Variants in FGF13 observed in about 807,000 individuals in gnomAD.
FGF13 encodes the protein fibroblast growth factor homologous factor 2.
A neutral mutation model predicts 19.5 loss-of-function variants in FGF13; 2 were observed. That is an observed-to-expected ratio of 0.10 (90% confidence interval 0.04 to 0.32). FGF13 has a LOEUF of 0.32. Ranked by LOEUF, FGF13 falls within the 10% of genes least tolerant of loss-of-function variation. The probability of loss-of-function intolerance (pLI) is 1.00; values close to 1 mark genes in which losing one functional copy is unlikely to be tolerated. For synonymous variants in FGF13, 72 were observed against 76.9 expected (o/e 0.94, Z 0.33); for missense variants, 113 against 192.7 (o/e 0.59, Z 2.45).
chrX:138,838,104 C>T (rs2091125229), intron 3 of FGF13, among the ~76,000 whole-genome samples: 1 of 111,952 alleles, frequency 8.9e-6, no homozygotes, highest in Admixed American at 9.4e-5. Flanking sequence ...TGGCGCCCCA[C>T]CCTTCCCCCA....
At chrX:138,644,869 C>T (rs1391071120) in intron 3 of FGF13, among the ~76,000 whole-genome samples, 1 of 112,016 alleles carries the variant, frequency 8.9e-6, no homozygotes, top group African/African-American at 3.2e-5. Context: ...GAGAATGGTG[C>T]TGCAGAGGAC....
chrX:138,685,971 A>G (rs776407916), intron 3 of FGF13, among the ~76,000 whole-genome samples: 8 of 110,101 alleles, frequency 7.3e-5, no homozygotes, highest in African/African-American at 2.3e-4. Context: ...AGACGGTAAC[A>G]GGTTGCGTGA....
At position 139,014,147 on chromosome X, in the gene FGF13, T is replaced by A. The variant is rs752292003; in HGVS notation, c.-112-149497A>T. On this transcript the variant is annotated intron_variant, in intron 1 of 2. Transcript: ENST00000421460. ...AAGTTTATAGCTATAAGTGCCTACA[T>A]CAAAAAAGAAATAAAAAACTTAAAA... Among the ~76,000 whole-genome samples, 30 of 110,682 alleles carry A rather than the reference T, an allele frequency of 2.7e-4. 1 individual carries two copies. The South Asian group carries it at 0.01, about 37-fold the overall frequency.
chrX:139,024,519 T>C (rs766828083), intron 1 of FGF13, among the ~76,000 whole-genome samples: 2 of 111,619 alleles, frequency 1.8e-5, no homozygotes, highest in Non-Finnish European at 3.8e-5. Flanking sequence ...CCCTTTGTCA[T>C]CTACAGTCTC....
intron 3 of FGF13, among the ~76,000 whole-genome samples, chrX:138,768,257 A>G (rs2090516112): frequency 8.9e-6 from 1 of 112,206 alleles, no homozygotes; most frequent in African/African-American, 3.2e-5. Flanking sequence ...CCCTCTATGA[A>G]ATGTGGAAAG....
intron 1 of FGF13, among the ~76,000 whole-genome samples, chrX:139,077,470 C>A (rs2083340236): frequency 9.0e-6 from 1 of 111,460 alleles, no homozygotes; most frequent in African/African-American, 3.3e-5. Flanking sequence ...CAATTTCATT[C>A]TTAGGGTTAG....
At chrX:139,194,894 T>C (rs920908072) in intron 1 of FGF13, among the ~76,000 whole-genome samples, 3 of 111,132 alleles carry the variant, frequency 2.7e-5, no homozygotes, top group Admixed American at 9.4e-5. Flanking sequence ...TTGCGACGCC[T>C]CCCCGTGAGT....
chrX:138,675,633 GATTT>G (rs1278379747), intron 3 of FGF13, among the ~76,000 whole-genome samples: 31 of 110,596 alleles, frequency 2.8e-4, no homozygotes, highest in Non-Finnish European at 5.3e-4. Context: ...ATTCTATTTT[GATTT>G]ATTATTCTTA....
rs187204563 is a variant in FGF13 at position 139,017,578 on chromosome X, G to A, written c.-112-152928C>T. On this transcript the variant is annotated intron_variant, in intron 1 of 2. Coordinates refer to the FGF13 transcript ENST00000421460. ...TAGTTGAACCTTCAAAGGAATTCTTGAAGTGGGAAAAGATGGCACCAGGTT... is the reference window on the plus strand; with the variant it reads ...TAGTTGAACCTTCAAAGGAATTCTTAAAGTGGGAAAAGATGGCACCAGGTT... Among the ~76,000 whole-genome samples, 20 of 110,854 alleles carry A rather than the reference G, an allele frequency of 1.8e-4. 1 individual carries two copies. In the East Asian group the frequency reaches 2.9e-3, roughly 16 times the overall value.
intron 1 of FGF13, among the ~76,000 whole-genome samples, chrX:138,903,329 T>G (rs1371425284): frequency 9.0e-6 from 1 of 111,632 alleles, no homozygotes; most frequent in Non-Finnish European, 1.9e-5. Flanking sequence ...TCTACAACTG[T>G]TTAACAGGGC....
At chrX:139,088,545 A>G (rs887995334) in intron 1 of FGF13, among the ~76,000 whole-genome samples, 3 of 110,196 alleles carry the variant, frequency 2.7e-5, no homozygotes, top group African/African-American at 9.9e-5. Context: ...TGCAAGAAAA[A>G]AAAAAAAAAA....
chrX:138,833,619 T>G (rs1312224623), intron 3 of FGF13, among the ~76,000 whole-genome samples: 1 of 111,661 alleles, frequency 9.0e-6, no homozygotes, highest in Non-Finnish European at 1.9e-5. Flanking sequence ...TAATTTGACT[T>G]CCTCTCCTCC....
At chrX:139,013,838 C>T (rs1008313962) in intron 1 of FGF13, among the ~76,000 whole-genome samples, 3 of 108,991 alleles carry the variant, frequency 2.8e-5, no homozygotes, top group South Asian at 4.0e-4. Flanking sequence ...AGAACTTATT[C>T]GTGTAACCAA....
intron 1 of FGF13, among the ~76,000 whole-genome samples, chrX:138,973,146 G>A (rs2091925658): frequency 9.0e-6 from 1 of 111,710 alleles, no homozygotes; most frequent in African/African-American, 3.3e-5. Context: ...AGCATTTATT[G>A]CTATAAAATT....
chrX:138,712,334 C>T (rs2090063225), upstream of FGF13, among the ~76,000 whole-genome samples: 1 of 111,696 alleles, frequency 9.0e-6, no homozygotes, highest in South Asian at 3.8e-4. Context: ...TTTTCCTCTG[C>T]GCCCCCTCAT....
At chrX:138,658,943 C>T (rs1184617756) in intron 3 of FGF13, among the ~76,000 whole-genome samples, 2 of 111,755 alleles carry the variant, frequency 1.8e-5, no homozygotes, top group Admixed American at 9.6e-5. Context: ...ACATTCGCCT[C>T]TATCACCTGT....
intron 3 of FGF13, among the ~76,000 whole-genome samples, chrX:138,638,104 T>A (rs761923416): frequency 1.8e-5 from 2 of 111,725 alleles, no homozygotes; most frequent in Middle Eastern, 9.1e-3. Flanking sequence ...ACTGGACTGC[T>A]GTCATAACAT....
chrX:138,905,339 C>A (rs1330052860), intron 1 of FGF13, among the ~76,000 whole-genome samples: 1 of 111,781 alleles, frequency 8.9e-6, no homozygotes, highest in Admixed American at 9.5e-5. Flanking sequence ...ATAATAGAGA[C>A]TTTAATTTTT....
At chrX:139,070,738 T>A (rs2092373832) in intron 1 of FGF13, among the ~76,000 whole-genome samples, 1 of 112,037 alleles carries the variant, frequency 8.9e-6, no homozygotes, top group African/African-American at 3.2e-5. Flanking sequence ...CAAATGCCCA[T>A]CAATGATAGA....
Sources: allele counts gnomAD v4.1 joint callset (sites outside exome capture counted in the v4.1 genomes callset), GRCh38; gene constraint gnomAD v4.1.1; transcripts MANE v1.5; gene names NCBI Gene and HGNC (gene_info 2026-07-23, HGNC 2026-07-21).